The following DNAJB14 variants were observed in gnomAD, a reference collection of about 807,000 sequenced individuals.
The protein encoded by DNAJB14 is DnaJ heat shock protein family (Hsp40) member B14.
DNAJB14 carries 22 observed loss-of-function variants against 48.4 expected under a neutral mutation model. The observed-to-expected ratio is 0.45, with a 90% confidence interval of 0.32 to 0.65. The LOEUF (loss-of-function observed/expected upper bound fraction) is 0.65. DNAJB14 is among the 30% of genes least tolerant of loss of function. DNAJB14 has a pLI of 0.03. For missense variants in DNAJB14, 319 were observed against 458.8 expected (o/e 0.70, Z 2.78); for synonymous variants, 142 against 158.7 (o/e 0.89, Z 0.79).
At chr4:99,911,669 T>C (rs1375053412) in intron 3 of DNAJB14, among the ~76,000 whole-genome samples, 1 of 152,220 alleles carries the variant, frequency 6.6e-6, no homozygotes, top group African/African-American at 2.4e-5. Context: ...TCACTGTGCT[T>C]ATTTGCCCTC....
chr4:99,906,861 C>G (rs1444231590), intron 4 of DNAJB14, among the ~76,000 whole-genome samples: 1 of 152,126 alleles, frequency 6.6e-6, no homozygotes, highest in Non-Finnish European at 1.5e-5. Context: ...AGTTTCTCTA[C>G]ACACATAGAG....
Position 99,900,668 on chromosome 4 carries a change from C to A in DNAJB14, c.*360G>T, listed in dbSNP as rs1420062797. On this transcript the variant is annotated 3_prime_UTR_variant, in exon 8 of 8. Coordinates refer to ENST00000442697, the MANE Select transcript of DNAJB14 (RefSeq NM_001031723.4). ...AAGAATTTAAATAAAAAAGCAGTAA[C>A]CTGTATGTACACAAAATGATCATTC... The A allele has an allele frequency of 6.2e-6, 1 of 161,934 alleles. No individual in the cohort carries two copies. The highest frequency in any genetic ancestry group is 1.7e-4 in the East Asian group (1 of 5,736). 10.0% of individuals were successfully genotyped at this position (161,934 alleles called of 1,614,324 possible).
At chr4:99,939,194 T>A (rs1726800141) in intron 1 of DNAJB14, among the ~76,000 whole-genome samples, 1 of 152,120 alleles carries the variant, frequency 6.6e-6, no homozygotes, top group Admixed American at 6.5e-5. Context: ...AAACCCCGTC[T>A]CTACTAAAAA....
intron 3 of DNAJB14, among the ~76,000 whole-genome samples, chr4:99,917,731 G>GA (rs1296169527): frequency 1.3e-5 from 2 of 152,108 alleles, no homozygotes; most frequent in Non-Finnish European, 2.9e-5. Flanking sequence ...CTTCATTCCT[G>GA]AAAGATATTT....
chr4:99,914,002 C>G (rs1273325486), intron 3 of DNAJB14, among the ~76,000 whole-genome samples: 4 of 152,080 alleles, frequency 2.6e-5, no homozygotes, highest in Non-Finnish European at 5.9e-5. Context: ...AAAGGGGAAG[C>G]AGACAGGTGC....
chr4:99,928,897 C>T (rs1207521973), intron 2 of DNAJB14: 4 of 154,008 alleles, frequency 2.6e-5, no homozygotes, highest in Admixed American at 6.5e-5. Context: ...TACTAATAAA[C>T]GTTTTTTACA....
intron 3 of DNAJB14, among the ~76,000 whole-genome samples, chr4:99,917,928 T>C (rs62306061): frequency 0.036 from 5,545 of 152,292 alleles, 151 homozygotes; most frequent in Middle Eastern, 0.12. Context: ...TTTCAAAAGT[T>C]TGACAACGAT....
At chr4:99,937,154 A>C (rs757472311) in intron 1 of DNAJB14, among the ~76,000 whole-genome samples, 1 of 152,048 alleles carries the variant, frequency 6.6e-6, no homozygotes, top group Non-Finnish European at 1.5e-5. Flanking sequence ...GTTTCTACTA[A>C]AAAATACAAA....
chr4:99,916,203 A>G (rs539782730), intron 3 of DNAJB14, among the ~76,000 whole-genome samples: 1 of 152,218 alleles, frequency 6.6e-6, no homozygotes, highest in Non-Finnish European at 1.5e-5. Flanking sequence ...CAGTGGCACA[A>G]TCACAGGTCA....
chr4:99,939,658 T>C (rs1478681622), intron 1 of DNAJB14, among the ~76,000 whole-genome samples: 3 of 152,232 alleles, frequency 2.0e-5, no homozygotes, highest in South Asian at 2.1e-4. Context: ...CATGAGCTCA[T>C]ACTACACAGT....
chr4:99,946,143 GA>G, intron 1 of DNAJB14, among the ~76,000 whole-genome samples: 1 of 152,386 alleles, frequency 6.6e-6, no homozygotes, highest in East Asian at 1.9e-4. Flanking sequence ...GACGGGACCA[GA>G]CAAGTCTCCT....
In DNAJB14 at chr4:99,938,224, T is replaced by TA. The variant is rs755380158; in HGVS notation, c.134-7604dup. Among the ~76,000 whole-genome samples, 619 of 71,662 alleles carry TA rather than the reference T, an allele frequency of 8.6e-3. 2 individuals carry two copies. The highest frequency in any genetic ancestry group is 0.011 in the Non-Finnish European group (386 of 34,014). 47.0% of individuals were successfully genotyped at this position (71,662 alleles called of 152,430 possible). ...GGTGGAGGTTGCGGTGAGCAGAAAT[T>TA]AAAAAAAAAAAAAAAATTGGCATAT... On this transcript the variant is annotated intron_variant, in intron 1 of 7. Coordinates refer to ENST00000442697, the MANE Select transcript of DNAJB14 (RefSeq NM_001031723.4).
intron 5 of DNAJB14, 193 bp from the exon 6 acceptor site, chr4:99,905,899 T>G (rs1418460673): frequency 1.5e-6 from 2 of 1,326,972 alleles, no homozygotes; most frequent in African/African-American, 3.0e-5. Context: ...AGATTCTGAT[T>G]TGAAAAACAC....
rs1219226421 is a variant in DNAJB14, at chr4:99,898,544, C to G, written c.*2484G>C. On this transcript the variant is annotated 3_prime_UTR_variant, in exon 8 of 8. Coordinates refer to ENST00000442697, the MANE Select transcript of DNAJB14 (RefSeq NM_001031723.4). ...TACTATTTTTCATTTCCCCCAAACCCTCACAAGGACAATAATGTTTGTGTG... is the reference window on the plus strand; with the variant it reads ...TACTATTTTTCATTTCCCCCAAACCGTCACAAGGACAATAATGTTTGTGTG... The G allele has an allele frequency of 6.6e-6, 1 of 151,878 alleles. No individual in the cohort carries two copies. The highest frequency in any genetic ancestry group is 1.5e-5 in the Non-Finnish European group (1 of 67,828). The allele number at this position is 151,878 out of a possible 1,614,324, so 9.4% of individuals were successfully genotyped here. A position where few individuals can be genotyped will look rare whatever the true frequency, so the allele number is the denominator to read the frequency against.
intron 7 of DNAJB14, among the ~76,000 whole-genome samples, chr4:99,902,562 G>A (rs919249500): frequency 3.3e-5 from 5 of 152,146 alleles, no homozygotes; most frequent in African/African-American, 9.7e-5. Context: ...CAAGACCAGA[G>A]AGGTTAAGGA....
chr4:99,921,045 C>G (rs1051889322), intron 3 of DNAJB14, among the ~76,000 whole-genome samples: 11 of 152,090 alleles, frequency 7.2e-5, no homozygotes. Flanking sequence ...ATGAAACCTG[C>G]CATTTCTGTG....
chr4:99,907,137 A>T (rs1166982678), intron 4 of DNAJB14, among the ~76,000 whole-genome samples: 1 of 152,210 alleles, frequency 6.6e-6, no homozygotes, highest in South Asian at 2.1e-4. Flanking sequence ...AATGGCTACC[A>T]TTGACAAACT....
At chr4:99,907,346 TTCA>T (rs1269836944) in intron 4 of DNAJB14, among the ~76,000 whole-genome samples, 3 of 152,128 alleles carry the variant, frequency 2.0e-5, no homozygotes, top group Admixed American at 6.6e-5. Context: ...TCCTCTTTCC[TTCA>T]AGGATGCTTT....
At chr4:99,933,303 CTTT>C (rs759298582) in intron 1 of DNAJB14, among the ~76,000 whole-genome samples, 40 of 88,784 alleles carry the variant, frequency 4.5e-4, no homozygotes, top group Admixed American at 1.3e-3. Context: ...CATAAACAGT[CTTT>C]TTTTTTTTTT....
Sources: gnomAD v4.1 joint callset for allele counts (sites outside exome capture counted in the v4.1 genomes callset) on GRCh38, gnomAD v4.1.1 for gene constraint, MANE v1.5 for transcripts, NCBI Gene and HGNC (gene_info 2026-07-23, HGNC 2026-07-21) for gene names.